HGD: variants seen among roughly 807,000 people sequenced by gnomAD.
The protein encoded by HGD is homogentisate oxidase.
In HGD, 61 loss-of-function variants were observed where a neutral mutation model predicts 60.8. The observed-to-expected ratio is 1.00, with a 90% CI of 0.82 to 1.24. HGD has a LOEUF of 1.24. HGD is among the 50% of genes most tolerant of loss of function. HGD has a pLI of 0.00. For missense variants in HGD, 542 were observed against 547.1 expected, an observed-to-expected ratio of 0.99 and a Z score of 0.09; for synonymous variants, 212 against 187.7, an observed-to-expected ratio of 1.13 and a Z score of -1.06.
At chr3:120,640,060 G>T (rs1487712771) in intron 11 of HGD, among the ~76,000 whole-genome samples, 2 of 151,784 alleles carry the variant, frequency 1.3e-5, no homozygotes, top group African/African-American at 4.8e-5. Context: ...GTCAAGGAAG[G>T]CTTCAAAGAG....
At chr3:120,670,682 A>T in intron 3 of HGD, 150 bp from the exon 4 acceptor site, 1 of 691,878 alleles carries the variant, frequency 1.4e-6, no homozygotes, top group East Asian at 2.7e-5. Context: ...ATGATACAGC[A>T]TCACTTTTCA....
At chr3:120,669,001 A>C (rs1707964247) in intron 4 of HGD, among the ~76,000 whole-genome samples, 1 of 152,180 alleles carries the variant, frequency 6.6e-6, no homozygotes, top group Non-Finnish European at 1.5e-5. Context: ...TTTATCTTAT[A>C]TACTCTGCAA....
intron 4 of HGD, among the ~76,000 whole-genome samples, chr3:120,660,267 A>G (rs1941622690): frequency 6.6e-6 from 1 of 152,200 alleles, no homozygotes; most frequent in Admixed American, 6.5e-5. Context: ...AGAATGGACT[A>G]ATACAATGTA....
chr3:120,672,050 T>C (rs1708036134), intron 3 of HGD, among the ~76,000 whole-genome samples: 1 of 152,054 alleles, frequency 6.6e-6, no homozygotes, highest in Non-Finnish European at 1.5e-5. Context: ...GGCTTAATAC[T>C]TAGGTGATAG....
intron 9 of HGD, chr3:120,644,649 C>T (rs1327818316): frequency 2.0e-6 from 3 of 1,516,746 alleles, no homozygotes; most frequent in South Asian, 1.2e-5. Context: ...CAAAAACCAG[C>T]ATTACTTTCT....
intron 13 of HGD, among the ~76,000 whole-genome samples, chr3:120,629,926 G>T (rs770250501): frequency 2.6e-5 from 4 of 152,200 alleles, no homozygotes; most frequent in Middle Eastern, 3.4e-3. Flanking sequence ...TTTCAGCAAA[G>T]TTCATGATAC....
intron 2 of HGD, among the ~76,000 whole-genome samples, chr3:120,675,418 C>T (rs908651303): frequency 7.3e-5 from 11 of 151,412 alleles, no homozygotes; most frequent in African/African-American, 2.4e-4. Context: ...CGTGTTGTTG[C>T]TTTTCTAACC....
chr3:120,636,628 G>A (rs547606889), intron 12 of HGD, among the ~76,000 whole-genome samples: 3 of 152,306 alleles, frequency 2.0e-5, no homozygotes, highest in African/African-American at 7.2e-5. Flanking sequence ...AGGCTTCACA[G>A]TTTTTAGAAA....
At chr3:120,649,439 G>A (rs920483436) in intron 6 of HGD, among the ~76,000 whole-genome samples, 55 of 151,856 alleles carry the variant, frequency 3.6e-4, no homozygotes, top group African/African-American at 1.1e-3. Context: ...CACTGTGCCC[G>A]GCCTCCGTTG....
chr3:120,629,876 C>G (rs1940530428), intron 13 of HGD, among the ~76,000 whole-genome samples: 5 of 152,158 alleles, frequency 3.3e-5, no homozygotes, highest in Admixed American at 3.3e-4. Context: ...TAGAAAACAC[C>G]ATAGTCTCAG....
At chr3:120,642,173 C>T (rs144704194) in intron 10 of HGD, among the ~76,000 whole-genome samples, 6 of 152,282 alleles carry the variant, frequency 3.9e-5, no homozygotes, top group African/African-American at 7.2e-5. Context: ...AAAGTTCCAA[C>T]TCCAAGGACT....
At chr3:120,680,002 C>T (rs1232774074) in intron 1 of HGD, among the ~76,000 whole-genome samples, 1 of 152,164 alleles carries the variant, frequency 6.6e-6, no homozygotes, top group African/African-American at 2.4e-5. Context: ...TCATTAGAAT[C>T]ACTCCAGAAG....
chr3:120,644,882 G>A (rs764306927), intron 9 of HGD, among the ~76,000 whole-genome samples: 1 of 150,334 alleles, frequency 6.7e-6, no homozygotes, highest in Non-Finnish European at 1.5e-5. Flanking sequence ...CCTAAGGCAT[G>A]CCTCTGCTCC....
At chr3:120,632,573 T>C (rs184051224) in intron 13 of HGD, among the ~76,000 whole-genome samples, 39 of 152,270 alleles carry the variant, frequency 2.6e-4, no homozygotes, top group African/African-American at 8.4e-4. Flanking sequence ...AAGCCCTGAC[T>C]ATAGTGAGGC....
chr3:120,661,675 G>T (rs2551575), intron 4 of HGD, among the ~76,000 whole-genome samples: 128,668 of 152,254 alleles, frequency 0.85, 55,197 homozygotes, highest in East Asian at 0.98. Context: ...TGCAGACAGC[G>T]CCAATATCTT....
intron 13 of HGD, among the ~76,000 whole-genome samples, chr3:120,631,884 C>G (rs1034563533): frequency 6.6e-6 from 1 of 152,198 alleles, no homozygotes; most frequent in Non-Finnish European, 1.5e-5. Flanking sequence ...CTCATAGAAA[C>G]AGCCCTGTCC....
intron 13 of HGD, among the ~76,000 whole-genome samples, chr3:120,630,570 A>G (rs1431441633): frequency 6.6e-6 from 1 of 152,058 alleles, no homozygotes; most frequent in Admixed American, 6.5e-5. Flanking sequence ...CTGGCTAGTC[A>G]TAAGCAGAAG....
Position 120,636,536 on chromosome 3 carries a change from T to C in HGD, c.1006+1919A>G, listed in dbSNP as rs945183839. 9.8e-5 allele frequency among the ~76,000 whole-genome samples: 15 copies of C among 152,318 alleles called. 2 individuals are homozygous for C. In the South Asian group the frequency reaches 2.9e-3, roughly 29 times the overall value. On this transcript the variant is annotated intron_variant, in intron 12 of 13. Transcript: ENST00000283871. ...GGAGTAACATGCGAAGTACAGACTATAAGCCAGGGCAATTTTCTCTCCTTG... is the reference window on the plus strand; with the variant it reads ...GGAGTAACATGCGAAGTACAGACTACAAGCCAGGGCAATTTTCTCTCCTTG...
chr3:120,659,194 C>T (rs565501432), intron 4 of HGD, among the ~76,000 whole-genome samples: 6 of 152,218 alleles, frequency 3.9e-5, no homozygotes, highest in Non-Finnish European at 8.8e-5. Context: ...AATTTCCTAA[C>T]TTTTACACTC....
Sources: allele counts gnomAD v4.1 joint callset (sites outside exome capture counted in the v4.1 genomes callset), GRCh38; gene constraint gnomAD v4.1.1; transcripts MANE v1.5; gene names NCBI Gene and HGNC (gene_info 2026-07-23, HGNC 2026-07-21).